Variants in HMGCS1 observed in about 807,000 individuals in gnomAD.
The protein encoded by HMGCS1 is 3-hydroxy-3-methylglutaryl-CoA synthase 1.
Under a neutral mutation model 52.3 loss-of-function variants are expected in HMGCS1, and 9 were observed. The observed-to-expected ratio is 0.17, with a 90% CI of 0.10 to 0.30. The LOEUF (loss-of-function observed/expected upper bound fraction) is 0.30, where lower values mean the gene tolerates loss of function less well. HMGCS1 is among the 10% of genes least tolerant of loss of function. The pLI, the probability that HMGCS1 is intolerant of heterozygous loss-of-function variation, is 1.00. For missense variants in HMGCS1, 320 were observed against 620.9 expected, an observed-to-expected ratio of 0.52 and a Z score of 5.15; for synonymous variants, 176 against 214.4, an observed-to-expected ratio of 0.82 and a Z score of 1.57.
chr5:43,292,340 T>C (rs926739704), intron 10 of HMGCS1, 134 bp downstream of exon 10: 6 of 669,408 alleles, frequency 9.0e-6, no homozygotes, highest in Non-Finnish European at 1.5e-5. Context: ...AAGCACTTTA[T>C]ACAATTGGAA....
chr5:43,292,671 T>G, intron 9 of HMGCS1, 34 bp from the exon 10 acceptor site: 1 of 1,573,880 alleles, frequency 6.4e-7, no homozygotes, highest in South Asian at 1.1e-5. Context: ...TACAATTAGT[T>G]ATGATATACA....
At chr5:43,307,428 C>T (rs969299480) in intron 2 of HMGCS1, among the ~76,000 whole-genome samples, 3 of 152,014 alleles carry the variant, frequency 2.0e-5, no homozygotes, top group Non-Finnish European at 2.9e-5. Context: ...TCTTTTGAGG[C>T]CATAATTTAA....
chr5:43,305,391 A>G (rs1337111336), intron 2 of HMGCS1, among the ~76,000 whole-genome samples: 2 of 152,252 alleles, frequency 1.3e-5, no homozygotes, highest in East Asian at 3.8e-4. Context: ...GGAAAAAAAG[A>G]CTAGCTACAG....
intron 1 of HMGCS1, among the ~76,000 whole-genome samples, chr5:43,311,429 T>A (rs565349805): frequency 4.3e-4 from 65 of 151,936 alleles, no homozygotes; most frequent in African/African-American, 1.6e-3. Context: ...ATATCACACA[T>A]CCTTCTATGA....
Position 43,294,825 on chromosome 5 carries a change from A to G in HMGCS1, c.942T>C (p.Asp314=). 2 of 1,611,518 alleles carry G rather than the reference A, an allele frequency of 1.2e-6. No homozygotes were observed. Among genetic ancestry groups the G allele is most frequent in the South Asian group, 1.1e-5 (1 of 90,882 alleles). Residue 314 remains aspartate (D), a synonymous_variant, in exon 7 of 11, where the codon GAT becomes GAC. Transcript: ENST00000325110. ...TAGCCTTCATAAATGCCTTCTCCAC[A>G]TCTCTATCAAAGTAGGTGTCTTCTA... ...VKLEDTYFDR[D]VEKAFMKASS...
intron 1 of HMGCS1, among the ~76,000 whole-genome samples, chr5:43,310,423 C>G (rs528646215): frequency 6.6e-6 from 1 of 152,324 alleles, no homozygotes; most frequent in Non-Finnish European, 1.5e-5. Flanking sequence ...GGGCAGTCTT[C>G]TTATCCATAC....
intron 8 of HMGCS1, 40 bp downstream of exon 8, chr5:43,294,016 C>G: frequency 7.6e-7 from 1 of 1,323,512 alleles, no homozygotes; most frequent in Non-Finnish European, 1.1e-6. Flanking sequence ...TGCCTGGACT[C>G]AGTTCTCAAT....
At chr5:43,306,803 G>A (rs1754600351) in intron 2 of HMGCS1, among the ~76,000 whole-genome samples, 1 of 152,176 alleles carries the variant, frequency 6.6e-6, no homozygotes, top group Non-Finnish European at 1.5e-5. Flanking sequence ...AGCTTTTGGA[G>A]AGCAGGAACC....
chr5:43,304,145 C>T (rs1463422593), intron 2 of HMGCS1, among the ~76,000 whole-genome samples: 1 of 152,230 alleles, frequency 6.6e-6, no homozygotes, highest in East Asian at 1.9e-4. Flanking sequence ...CAAGAAAGAG[C>T]CCTACAACTA....
chr5:43,291,337 T>A (rs1171484057), intron 10 of HMGCS1, 117 bp from the exon 11 acceptor site: 1 of 673,470 alleles, frequency 1.5e-6, no homozygotes, highest in Non-Finnish European at 2.7e-6. Flanking sequence ...GAGAAGTTTA[T>A]GCTAAATATA....
In HMGCS1 at chr5:43,298,246, A is replaced by C. The variant is rs886560960; in HGVS notation, c.449-112T>G. The C allele has an allele frequency of 5.9e-6, 6 of 1,009,208 alleles. No homozygotes were observed. Among genetic ancestry groups the C allele is most frequent in the Admixed American group, 2.8e-5 (1 of 35,470 alleles). The allele number at this position is 1,009,208 out of a possible 1,614,324, so 62.5% of individuals were successfully genotyped here. A position where few individuals can be genotyped will look rare whatever the true frequency, so the allele number is the denominator to read the frequency against. ...AATATGCTTTTCCCTTCTTTGATAA[A>C]GAAAGAAAATGCTCTAATTTTTTTT... On this transcript the variant is annotated intron_variant, in intron 3 of 10. Coordinates refer to ENST00000325110, the MANE Select transcript of HMGCS1 (RefSeq NM_001098272.3). The surrounding 1 kb of genome is among the most constrained non-coding windows in gnomAD (Gnocchi z 5.6).
intron 10 of HMGCS1, 125 bp from the exon 11 acceptor site, chr5:43,291,345 ATATATTT>A: frequency 1.6e-6 from 1 of 622,974 alleles, no homozygotes; most frequent in Non-Finnish European, 2.9e-6. Context: ...TATGCTAAAT[ATATATTT>A]TATATAACTT....
intron 5 of HMGCS1, among the ~76,000 whole-genome samples, chr5:43,296,774 C>T (rs1295503277): frequency 6.6e-6 from 1 of 152,142 alleles, no homozygotes; most frequent in Non-Finnish European, 1.5e-5. Context: ...AAGGGGTAAA[C>T]CGACCTAAAT....
chr5:43,309,743 G>C (rs1754766148), intron 1 of HMGCS1, among the ~76,000 whole-genome samples: 1 of 152,234 alleles, frequency 6.6e-6, no homozygotes, highest in Non-Finnish European at 1.5e-5. Context: ...AAGTGACAGA[G>C]GGAATCAACA....
chr5:43,302,429 A>T (rs1754365525), intron 2 of HMGCS1, among the ~76,000 whole-genome samples: 1 of 152,198 alleles, frequency 6.6e-6, no homozygotes, highest in Non-Finnish European at 1.5e-5. Flanking sequence ...CATAGGTCAC[A>T]TTTTACCCAT....
In HMGCS1 at chr5:43,297,992, C is replaced by T; in HGVS notation, c.574+17G>A. On this transcript the variant is annotated intron_variant, in intron 4 of 10. Transcript: ENST00000325110. ...TATTGTGCTAAAAAAAACAAAAATG[C>T]TTTCCCAAGCACTTACCTCGTTCAA... 1 of 1,604,696 alleles carries T rather than the reference C, an allele frequency of 6.2e-7. No individual in the cohort carries two copies.
intron 1 of HMGCS1, among the ~76,000 whole-genome samples, chr5:43,310,111 T>C (rs778578193): frequency 1.2e-4 from 19 of 152,236 alleles, no homozygotes; most frequent in Non-Finnish European, 2.6e-4. Context: ...TTGGCAACCT[T>C]TCCTCCTTAG....
chr5:43,303,078 CA>C (rs1754397274), intron 2 of HMGCS1, among the ~76,000 whole-genome samples: 1 of 152,152 alleles, frequency 6.6e-6, no homozygotes, highest in Non-Finnish European at 1.5e-5. Flanking sequence ...ATCAAAAAAG[CA>C]TTGTATCTTA....
intron 10 of HMGCS1, 143 bp downstream of exon 10, chr5:43,292,331 A>C: frequency 1.6e-6 from 1 of 641,194 alleles, no homozygotes; most frequent in Non-Finnish European, 2.7e-6. Flanking sequence ...TCAAATGCAA[A>C]GCACTTTATA....
Sources: gnomAD v4.1 joint callset for allele counts (sites outside exome capture counted in the v4.1 genomes callset) on GRCh38, gnomAD v4.1.1 for gene constraint, Gnocchi (gnomAD v3.1) non-coding constraint, MANE v1.5 for transcripts, NCBI Gene and HGNC (gene_info 2026-07-23, HGNC 2026-07-21) for gene names.